The following CREB3L1 variants were observed in gnomAD, a reference collection of about 807,000 sequenced individuals.
CREB3L1 encodes cAMP responsive element binding protein 3 like 1, also known as cyclic AMP-responsive element-binding protein 3-like protein 1.
CREB3L1 carries 33 observed loss-of-function variants against 54.5 expected under a neutral mutation model. The ratio of observed to expected loss-of-function variants is 0.61; its 90% CI spans 0.46 to 0.81. CREB3L1 has a LOEUF of 0.81. Ranked by LOEUF, CREB3L1 falls within the 30% of genes least tolerant of loss-of-function variation. The pLI, the probability that CREB3L1 is intolerant of heterozygous loss-of-function variation, is 0.00. For synonymous variants in CREB3L1, 284 were observed against 286.4 expected, an observed-to-expected ratio of 0.99 and a Z score of 0.08; for missense variants, 656 against 673.3, an observed-to-expected ratio of 0.97 and a Z score of 0.29.
chr11:46,316,871 C>T lies in CREB3L1; in HGVS notation c.1131+486C>T, dbSNP rs565467026. On this transcript the variant is annotated intron_variant, in intron 9 of 11. Coordinates refer to ENST00000621158, the MANE Select transcript of CREB3L1 (RefSeq NM_052854.4). Reference sequence around the variant, plus strand: ...ATGGCCAGTCTCTTGCCGCCTGGCTCAGCATGCCCCGGCCCTCCGAGACCC... The same window carrying T: ...ATGGCCAGTCTCTTGCCGCCTGGCTTAGCATGCCCCGGCCCTCCGAGACCC... 2.6e-5 allele frequency among the ~76,000 whole-genome samples: 4 copies of T among 152,240 alleles called. No homozygotes were observed. The South Asian group carries it at 8.3e-4, about 32-fold the overall frequency.
At chr11:46,308,121 G>A in intron 3 of CREB3L1, 121 bp downstream of exon 3, 1 of 973,762 alleles carries the variant, frequency 1.0e-6, no homozygotes. Flanking sequence ...GAGCCTCAGG[G>A]CTGAGGGTGG....
intron 3 of CREB3L1, among the ~76,000 whole-genome samples, chr11:46,309,734 CAG>C (rs765147878): frequency 1.3e-5 from 2 of 152,262 alleles, no homozygotes; most frequent in Non-Finnish European, 2.9e-5. Flanking sequence ...GCCCCACACT[CAG>C]AGGCTCACCT....
At chr11:46,286,468 TA>T (rs1168859072) in intron 1 of CREB3L1, among the ~76,000 whole-genome samples, 1 of 152,204 alleles carries the variant, frequency 6.6e-6, no homozygotes. Flanking sequence ...TTATAAAGTA[TA>T]ATAAAATTAA....
intron 1 of CREB3L1, among the ~76,000 whole-genome samples, chr11:46,283,754 A>C (rs757532160): frequency 2.6e-5 from 4 of 152,052 alleles, no homozygotes; most frequent in Non-Finnish European, 5.9e-5. Context: ...ATGGTGGCAC[A>C]TACCTGAAGT....
rs1431453285 is a variant in CREB3L1 at position 46,321,244 on chromosome 11, G to A, written c.*498G>A. ...CCTTGTTTTATATTTTATGAAGTTAGTGCGGGCTTTGCTGCTCCCTGGCCC... is the reference window on the plus strand; with the variant it reads ...CCTTGTTTTATATTTTATGAAGTTAATGCGGGCTTTGCTGCTCCCTGGCCC... On this transcript the variant is annotated 3_prime_UTR_variant, in exon 12 of 12. Coordinates refer to ENST00000621158, the MANE Select transcript of CREB3L1 (RefSeq NM_052854.4). 3.2e-6 allele frequency: 1 copy of A among 309,818 alleles called. No individual in the cohort carries two copies. Among genetic ancestry groups the A allele is most frequent in the Non-Finnish European group, 6.3e-6 (1 of 159,234 alleles). 19.2% of individuals were successfully genotyped at this position (309,818 alleles called of 1,614,324 possible).
chr11:46,287,975 CA>C (rs879842728), intron 1 of CREB3L1, among the ~76,000 whole-genome samples: 72 of 142,176 alleles, frequency 5.1e-4, no homozygotes, highest in Non-Finnish European at 4.0e-4. Context: ...GATTCTGTCT[CA>C]AAAAAAAAAA....
intron 4 of CREB3L1, 22 bp downstream of exon 4, chr11:46,310,089 G>A (rs1286581691): frequency 1.3e-6 from 2 of 1,541,172 alleles, no homozygotes; most frequent in Non-Finnish European, 1.8e-6. Flanking sequence ...CAGGGGAAGG[G>A]CTCTTTTCCC....
Position 46,305,746 on chromosome 11 carries a change from A to ATT in CREB3L1, c.332-2062_332-2061dup, listed in dbSNP as rs34152812. The stretch of plus-strand genomic sequence containing the variant: ...TGTGTGTGTGTGTATATATATATAT[A>ATT]TTTTTTTTTAAGACGGAGTCTCGCT... On this transcript the variant is annotated intron_variant, in intron 2 of 11. Coordinates refer to ENST00000621158, the MANE Select transcript of CREB3L1 (RefSeq NM_052854.4). 7.5e-4 allele frequency among the ~76,000 whole-genome samples: 97 copies of ATT among 129,286 alleles called. 2 individuals carry two copies. The highest frequency in any genetic ancestry group is 4.7e-3 in the East Asian group (22 of 4,678). 84.8% of individuals were successfully genotyped at this position (129,286 alleles called of 152,430 possible).
chr11:46,304,551 T>C (rs895218344), intron 2 of CREB3L1, among the ~76,000 whole-genome samples: 1 of 152,152 alleles, frequency 6.6e-6, no homozygotes, highest in Non-Finnish European at 1.5e-5. Context: ...CTGCGTCTGA[T>C]AGTCTTTGAG....
chr11:46,290,066 A>G (rs182745954), intron 1 of CREB3L1, among the ~76,000 whole-genome samples: 1 of 152,286 alleles, frequency 6.6e-6, no homozygotes, highest in East Asian at 1.9e-4. Context: ...TCTACTATTC[A>G]GTGCCCTGAT....
chr11:46,317,535 C>T, intron 10 of CREB3L1, 48 bp downstream of exon 10: 1 of 1,595,794 alleles, frequency 6.3e-7, no homozygotes, highest in Non-Finnish European at 8.5e-7. Context: ...GGCTGCCCTG[C>T]CCCAGCCCCA....
In CREB3L1 at chr11:46,321,392, CAAA is replaced by C. The variant is rs879070508; in HGVS notation, c.*661_*663del. 225 of 137,338 alleles carry C rather than the reference CAAA, an allele frequency of 1.6e-3. No individual in the cohort carries two copies. Among genetic ancestry groups the C allele is most frequent in the East Asian group, 4.0e-3 (35 of 8,668 alleles). 8.5% of individuals were successfully genotyped at this position (137,338 alleles called of 1,614,324 possible). On this transcript the variant is annotated 3_prime_UTR_variant, in exon 12 of 12. Transcript: ENST00000621158. ...AGCACATGCTTTAAGAAAGCAAAAC[CAAA>C]AAAAAAAAAAAAAAGATGCAGCATC...
intron 8 of CREB3L1, among the ~76,000 whole-genome samples, chr11:46,314,672 G>A (rs779638320): frequency 5.3e-4 from 80 of 151,272 alleles, no homozygotes; most frequent in Non-Finnish European, 9.0e-4. Flanking sequence ...ACTGCACCTG[G>A]CCTTCTTTCA....
chr11:46,311,107 C>T lies in CREB3L1; in HGVS notation c.671C>T (p.Ser224Phe). 1 of 1,608,388 alleles carries T rather than the reference C, an allele frequency of 6.2e-7. No homozygotes were observed. The highest frequency in any genetic ancestry group is 1.1e-5 in the South Asian group (1 of 90,856). ...AGCGACGGCTCCCAGAGTCCCCGCT[C>T]TCTGCCCCCCTCCAGCCCTGTCAGG... is the stretch of plus-strand genomic sequence containing the variant. ...SDSDGSQSPR[S>F]LPPSSPVRPM... is the part of the protein sequence containing the mutation. The change falls in exon 5 of 12, where the codon TCT becomes TTT. Residue 224 changes from serine (S) to phenylalanine (F), a missense_variant. Transcript: ENST00000621158.
rs1186636203 is a variant in CREB3L1, at chr11:46,320,908, C to CT, written c.*164dup. ...CTTCCTTGCCCCTGACATTTGGACTCTTCCCTTGGGCCGACCACTCTGTTC... is the reference window on the plus strand; with the variant it reads ...CTTCCTTGCCCCTGACATTTGGACTCTTTCCCTTGGGCCGACCACTCTGTTC... On this transcript the variant is annotated 3_prime_UTR_variant, in exon 12 of 12. Coordinates refer to ENST00000621158, the MANE Select transcript of CREB3L1 (RefSeq NM_052854.4). 6.0e-5 allele frequency: 47 copies of CT among 786,318 alleles called. No individual in the cohort carries two copies. The highest frequency in any genetic ancestry group is 9.7e-5 in the Non-Finnish European group (44 of 455,452). The allele number at this position is 786,318 out of a possible 1,614,324, so 48.7% of individuals were successfully genotyped here. A position where few individuals can be genotyped will look rare whatever the true frequency, so the allele number is the denominator to read the frequency against.
At chr11:46,286,913 C>T (rs184202647) in intron 1 of CREB3L1, among the ~76,000 whole-genome samples, 81 of 152,344 alleles carry the variant, frequency 5.3e-4, no homozygotes, top group African/African-American at 1.8e-3. Flanking sequence ...CAGAGGTGAG[C>T]TGTAGACCCT....
At chr11:46,314,275 A>T (rs1313775679) in intron 8 of CREB3L1, among the ~76,000 whole-genome samples, 1 of 151,954 alleles carries the variant, frequency 6.6e-6, no homozygotes, top group Admixed American at 6.6e-5. Flanking sequence ...ACATTATCTC[A>T]TAGGATGGAT....
intron 1 of CREB3L1, among the ~76,000 whole-genome samples, chr11:46,290,814 G>A (rs1009583209): frequency 6.6e-6 from 1 of 152,070 alleles, no homozygotes; most frequent in African/African-American, 2.4e-5. Flanking sequence ...CAAGGAAGGT[G>A]GTAGTTCCCA....
chr11:46,316,770 A>C (rs1939573122), intron 9 of CREB3L1, among the ~76,000 whole-genome samples: 1 of 152,180 alleles, frequency 6.6e-6, no homozygotes, highest in Non-Finnish European at 1.5e-5. Context: ...AAGGCTGAGG[A>C]AACCCCTGGA....
Sources: allele counts gnomAD v4.1 joint callset (sites outside exome capture counted in the v4.1 genomes callset), GRCh38; gene constraint gnomAD v4.1.1; transcripts MANE v1.5; gene names NCBI Gene and HGNC (gene_info 2026-07-23, HGNC 2026-07-21).